LMBR1: variants seen among roughly 807,000 people sequenced by gnomAD.
The protein encoded by LMBR1 is limb region 1 protein homolog.
A neutral mutation model predicts 73.9 loss-of-function variants in LMBR1; 52 were observed. The ratio of observed to expected loss-of-function variants is 0.70; its 90% CI spans 0.56 to 0.89. The LOEUF (loss-of-function observed/expected upper bound fraction) is 0.89. Among genes scored for constraint, LMBR1 ranks in the 40% least tolerant of loss-of-function variants. LMBR1 has a pLI of 0.00. For missense variants in LMBR1, 539 were observed against 579.8 expected (o/e 0.93, Z 0.72); for synonymous variants, 215 against 209.4 (o/e 1.03, Z -0.23).
At chr7:156,852,883 G>A (rs545109980) in intron 1 of LMBR1, among the ~76,000 whole-genome samples, 1 of 151,688 alleles carries the variant, frequency 6.6e-6, no homozygotes, top group Non-Finnish European at 1.5e-5. Flanking sequence ...AAGTACAGAA[G>A]ATAAGCACAG....
chr7:156,761,240 A>G (rs1241849109), intron 8 of LMBR1, among the ~76,000 whole-genome samples: 1 of 152,226 alleles, frequency 6.6e-6, no homozygotes, highest in Non-Finnish European at 1.5e-5. Flanking sequence ...ATAGGCAGTG[A>G]GGATCCATGA....
Position 156,734,266 on chromosome 7 carries a change from A to G in LMBR1, c.758-9T>C. On this transcript the variant is annotated splice_polypyrimidine_tract_variant and intron_variant, in intron 9 of 16. Transcript: ENST00000353442. Reference sequence around the variant, plus strand: ...CACCGATGAAGACAGCCCTGTTCAAAGCAAAAAATATTTAGAAGTAAAACA... The same window carrying G: ...CACCGATGAAGACAGCCCTGTTCAAGGCAAAAAATATTTAGAAGTAAAACA... 1 of 1,580,578 alleles carries G rather than the reference A, an allele frequency of 6.3e-7. No homozygotes were observed.
chr7:156,792,648 AC>A (rs887234475), intron 5 of LMBR1, among the ~76,000 whole-genome samples: 2 of 152,338 alleles, frequency 1.3e-5, no homozygotes, highest in Non-Finnish European at 2.9e-5. Context: ...GACATAGTCA[AC>A]CCCCCAGGCC....
At position 156,829,625 on chromosome 7, in the gene LMBR1, G is replaced by A. The variant is rs1488115510; in HGVS notation, c.180-2881C>T. On this transcript the variant is annotated intron_variant, in intron 3 of 16. Transcript: ENST00000353442. ...ACCCAGTTTCAAGTGCTCCTTTATA[G>A]CAACACATAACAGACTAACACTATC... Among the ~76,000 whole-genome samples the A allele has an allele frequency of 3.3e-5, 5 of 152,266 alleles. No homozygotes were observed. In the East Asian group the frequency reaches 9.7e-4, roughly 29 times the overall value.
At chr7:156,773,616 A>G (rs144489435) in intron 5 of LMBR1, among the ~76,000 whole-genome samples, 143 of 152,352 alleles carry the variant, frequency 9.4e-4, no homozygotes, top group African/African-American at 3.2e-3. Flanking sequence ...TCCCTCTTCA[A>G]TAAATGGTAC....
intron 10 of LMBR1, among the ~76,000 whole-genome samples, chr7:156,733,216 G>GAC (rs1431096591): frequency 3.9e-5 from 6 of 152,086 alleles, no homozygotes; most frequent in Non-Finnish European, 7.4e-5. Flanking sequence ...AATCTCACCT[G>GAC]ACAAGGTAAA....
chr7:156,734,117 TAA>T, intron 10 of LMBR1, 58 bp downstream of exon 10: 1 of 1,052,198 alleles, frequency 9.5e-7, no homozygotes, highest in East Asian at 2.4e-5. Context: ...CAGACTACAG[TAA>T]AGTCTTTAAT....
chr7:156,708,685 G>A (rs570352911), intron 15 of LMBR1, among the ~76,000 whole-genome samples: 1 of 152,172 alleles, frequency 6.6e-6, no homozygotes, highest in South Asian at 2.1e-4. Context: ...CTGGTAGGGG[G>A]GCAGGGTGCA....
At chr7:156,810,299 C>T (rs548678526) in intron 4 of LMBR1, among the ~76,000 whole-genome samples, 8 of 152,200 alleles carry the variant, frequency 5.3e-5, no homozygotes, top group Admixed American at 1.3e-4. Flanking sequence ...ACTCACTCAC[C>T]CACCTCCCGG....
Position 156,893,082 on chromosome 7 carries a change from C to A in LMBR1, c.-89G>T. On this transcript the variant is annotated 5_prime_UTR_variant, in exon 1 of 17. Coordinates refer to ENST00000353442, the MANE Select transcript of LMBR1 (RefSeq NM_022458.4). ...GCCGCAGGGGCTCGGACAGCCGCGC[C>A]GGGGACCGGAGCCGGCACGGGCCCG... 7.8e-7 allele frequency: 1 copy of A among 1,280,562 alleles called. No homozygotes were observed. Among genetic ancestry groups the A allele is most frequent in the Non-Finnish European group, 9.9e-7 (1 of 1,006,560 alleles). The allele number at this position is 1,280,562 out of a possible 1,614,324, so 79.3% of individuals were successfully genotyped here.
intron 4 of LMBR1, among the ~76,000 whole-genome samples, chr7:156,804,430 T>C (rs937574420): frequency 3.9e-5 from 6 of 152,252 alleles, no homozygotes; most frequent in Non-Finnish European, 7.3e-5. Flanking sequence ...AGATACCTGT[T>C]TAACATTTTA....
chr7:156,829,962 A>C (rs948660301), intron 3 of LMBR1, among the ~76,000 whole-genome samples: 6 of 152,106 alleles, frequency 3.9e-5, no homozygotes. Context: ...CTCACATATC[A>C]CACCTTTACT....
chr7:156,804,286 T>C (rs984757472), intron 4 of LMBR1, among the ~76,000 whole-genome samples: 1 of 152,242 alleles, frequency 6.6e-6, no homozygotes, highest in Non-Finnish European at 1.5e-5. Flanking sequence ...TTGGACTGCA[T>C]CCATTCACCT....
At chr7:156,709,512 G>A (rs566742943) in intron 15 of LMBR1, among the ~76,000 whole-genome samples, 26 of 152,294 alleles carry the variant, frequency 1.7e-4, no homozygotes, top group East Asian at 5.8e-4. Context: ...TGGGAGACCC[G>A]AAGACAGACC....
chr7:156,861,442 T>C (rs886496503), intron 1 of LMBR1, among the ~76,000 whole-genome samples: 5 of 152,172 alleles, frequency 3.3e-5, no homozygotes, highest in African/African-American at 1.2e-4. Flanking sequence ...TCCCAGCCTA[T>C]AATGGGAGGG....
At chr7:156,878,242 T>A (rs1296729045) in intron 1 of LMBR1, among the ~76,000 whole-genome samples, 1 of 152,134 alleles carries the variant, frequency 6.6e-6, no homozygotes, top group African/African-American at 2.4e-5. Flanking sequence ...GCATCCAAAT[T>A]GGTAAAGAGG....
chr7:156,749,157 C>T (rs6972360), intron 9 of LMBR1, among the ~76,000 whole-genome samples: 11,807 of 152,088 alleles, frequency 0.078, 526 homozygotes, highest in East Asian at 0.15. Context: ...CCTTCAGTGA[C>T]GTAACTAACA....
Position 156,744,195 on chromosome 7 carries a change from A to G in LMBR1, c.758-9938T>C, listed in dbSNP as rs531441115. The stretch of plus-strand genomic sequence containing the variant: ...TGGGACTACAGGTGCGTGCCGCCAC[A>G]CTCAGCTGAGTTTTCAACTGCAGTC... On this transcript the variant is annotated intron_variant, in intron 9 of 16. Coordinates refer to ENST00000353442, the MANE Select transcript of LMBR1 (RefSeq NM_022458.4). Among the ~76,000 whole-genome samples the G allele has an allele frequency of 9.2e-5, 14 of 152,126 alleles. No homozygotes were observed. The South Asian group carries it at 2.9e-3, about 32-fold the overall frequency.
chr7:156,799,099 G>A (rs60902854), intron 4 of LMBR1, among the ~76,000 whole-genome samples: 16,547 of 151,760 alleles, frequency 0.11, 1,162 homozygotes, highest in East Asian at 0.29. Flanking sequence ...CTACTCAGGA[G>A]GCTGAGGCAG....
Sources: gnomAD v4.1 joint callset for allele counts (sites outside exome capture counted in the v4.1 genomes callset) on GRCh38, gnomAD v4.1.1 for gene constraint, MANE v1.5 for transcripts, NCBI Gene and HGNC (gene_info 2026-07-23, HGNC 2026-07-21) for gene names.